The following TMEFF1 variants were observed in gnomAD, a reference collection of about 807,000 sequenced individuals.
TMEFF1 encodes transmembrane protein with EGF like and two follistatin like domains 1.
TMEFF1 carries 20 observed loss-of-function variants against 47.5 expected under a neutral mutation model. The observed-to-expected ratio is 0.42, with a 90% CI of 0.30 to 0.61. The LOEUF (loss-of-function observed/expected upper bound fraction) is 0.61. TMEFF1 is among the 20% of genes least tolerant of loss of function. TMEFF1 has a pLI of 0.19. For missense variants in TMEFF1, 411 were observed against 471.1 expected (o/e 0.87, Z 1.18); for synonymous variants, 162 against 166.3 (o/e 0.97, Z 0.20).
intron 2 of TMEFF1, 96 bp from the exon 3 acceptor site, chr9:100,508,909 G>A (rs1837911852): frequency 7.9e-7 from 1 of 1,271,540 alleles, no homozygotes; most frequent in African/African-American, 1.6e-5. Context: ...CAGTAGCGAA[G>A]TATGTCATAA....
chr9:100,550,257 C>G, intron 7 of TMEFF1, 97 bp downstream of exon 7: 1 of 1,240,746 alleles, frequency 8.1e-7, no homozygotes, highest in Non-Finnish European at 1.1e-6. Flanking sequence ...ACACCTCTAA[C>G]TTTGCTCTCT....
chr9:100,528,968 A>G (rs1460804067), intron 5 of TMEFF1, among the ~76,000 whole-genome samples: 2 of 147,032 alleles, frequency 1.4e-5, no homozygotes, highest in Non-Finnish European at 3.0e-5. Context: ...TTTTCAACCC[A>G]GAATTTCATA....
rs1317685918 is a variant in TMEFF1, at chr9:100,473,507, C to A, written c.-38C>A. On this transcript the variant is annotated 5_prime_UTR_variant, in exon 1 of 10. The change creates a premature stop within an existing upstream ORF in the 5' untranslated region. Coordinates refer to ENST00000374879, the MANE Select transcript of TMEFF1 (RefSeq NM_003692.5). The surrounding 1 kb of genome is among the most constrained non-coding windows in gnomAD (Gnocchi z 5.4). ...CGCGCGGCTGGATGCCCCCGGCCTG[C>A]GGCTCCCTGCGCTTCCCGCCGTCCA... 7.4e-7 allele frequency: 1 copy of A among 1,350,968 alleles called. No individual in the cohort carries two copies. Among genetic ancestry groups the A allele is most frequent in the South Asian group, 1.8e-5 (1 of 55,424 alleles). 83.7% of individuals were successfully genotyped at this position (1,350,968 alleles called of 1,614,324 possible).
At chr9:100,554,080 C>T (rs1199541808) in intron 7 of TMEFF1, among the ~76,000 whole-genome samples, 1 of 152,076 alleles carries the variant, frequency 6.6e-6, no homozygotes, top group Non-Finnish European at 1.5e-5. Context: ...TCCTGAGCTC[C>T]ACCTTGTCCC....
At chr9:100,536,468 A>G (rs1838510342) in intron 5 of TMEFF1, among the ~76,000 whole-genome samples, 1 of 152,028 alleles carries the variant, frequency 6.6e-6, no homozygotes, top group Admixed American at 6.6e-5. Flanking sequence ...TTCACAATTA[A>G]TTTAATACCT....
intron 5 of TMEFF1, among the ~76,000 whole-genome samples, chr9:100,531,998 C>T (rs1281220598): frequency 1.3e-5 from 2 of 150,878 alleles, no homozygotes; most frequent in African/African-American, 4.9e-5. Flanking sequence ...GGAAAGGATT[C>T]CCTATTTAAT....
At chr9:100,544,143 G>T (rs950702856) in intron 5 of TMEFF1, among the ~76,000 whole-genome samples, 3 of 151,588 alleles carry the variant, frequency 2.0e-5, no homozygotes, top group African/African-American at 7.3e-5. Context: ...ACCTTAGGTG[G>T]GTCAGTGTTC....
At chr9:100,545,632 G>T (rs1206345656) in intron 5 of TMEFF1, among the ~76,000 whole-genome samples, 2 of 152,208 alleles carry the variant, frequency 1.3e-5, no homozygotes, top group Non-Finnish European at 1.5e-5. Flanking sequence ...AATTTCTGCA[G>T]CTAGCTTGAA....
At chr9:100,485,048 C>T (rs1312005469) in intron 1 of TMEFF1, among the ~76,000 whole-genome samples, 2 of 152,132 alleles carry the variant, frequency 1.3e-5, no homozygotes, top group South Asian at 2.1e-4. Flanking sequence ...TACAATATGA[C>T]CTTTTATAAT....
chr9:100,519,606 G>A (rs910125738), intron 5 of TMEFF1, among the ~76,000 whole-genome samples: 1 of 101,292 alleles, frequency 9.9e-6, no homozygotes, highest in African/African-American at 3.7e-5. Flanking sequence ...CGGAAGGAAT[G>A]TTATCTTCTT....
At chr9:100,494,607 G>GA (rs1226821723) in intron 1 of TMEFF1, among the ~76,000 whole-genome samples, 1 of 152,054 alleles carries the variant, frequency 6.6e-6, no homozygotes, top group Non-Finnish European at 1.5e-5. Context: ...TCCAGTCAAG[G>GA]AAAAAAACAG....
chr9:100,527,614 C>G (rs1231756742), intron 5 of TMEFF1, among the ~76,000 whole-genome samples: 1 of 152,188 alleles, frequency 6.6e-6, no homozygotes, highest in Non-Finnish European at 1.5e-5. Flanking sequence ...TCGCTGATGG[C>G]TAGCACAGCA....
intron 5 of TMEFF1, among the ~76,000 whole-genome samples, chr9:100,535,868 A>AC (rs1200008630): frequency 6.6e-6 from 1 of 151,838 alleles, no homozygotes; most frequent in Non-Finnish European, 1.5e-5. Flanking sequence ...GCCTGATTTG[A>AC]CCCCCTCTAT....
At chr9:100,555,179 ACACACACACACACACG>A (rs1384605309) in intron 7 of TMEFF1, among the ~76,000 whole-genome samples, 2 of 151,944 alleles carry the variant, frequency 1.3e-5, no homozygotes, top group African/African-American at 2.4e-5. Context: ...ACACACACAC[ACACACACACACACACG>A]CACACACATT....
At chr9:100,502,371 T>G (rs1837777540) in intron 2 of TMEFF1, among the ~76,000 whole-genome samples, 1 of 152,184 alleles carries the variant, frequency 6.6e-6, no homozygotes, top group African/African-American at 2.4e-5. Flanking sequence ...TGTCTTTTTT[T>G]TTGTTTGAGA....
At chr9:100,575,365 T>C (rs1345087974) in intron 9 of TMEFF1, among the ~76,000 whole-genome samples, 1 of 152,164 alleles carries the variant, frequency 6.6e-6, no homozygotes, top group Non-Finnish European at 1.5e-5. Context: ...TCACCTTAAC[T>C]AAACGCCCTG....
At chr9:100,576,414 G>A in intron 9 of TMEFF1, 102 bp from the exon 10 acceptor site, 1 of 1,424,484 alleles carries the variant, frequency 7.0e-7, no homozygotes, top group East Asian at 2.4e-5. Context: ...CTTGCAATGT[G>A]GCTTTATGTG....
At chr9:100,505,811 T>C (rs1837850259) in intron 2 of TMEFF1, among the ~76,000 whole-genome samples, 1 of 152,178 alleles carries the variant, frequency 6.6e-6, no homozygotes, top group Non-Finnish European at 1.5e-5. Context: ...AAAGTAAGCA[T>C]TTGTTGAGGA....
intron 1 of TMEFF1, among the ~76,000 whole-genome samples, chr9:100,493,675 G>A (rs925328663): frequency 6.6e-6 from 1 of 152,120 alleles, no homozygotes; most frequent in Non-Finnish European, 1.5e-5. Context: ...ATTTTTGAGG[G>A]CCTTAGTAAT....
Sources: gnomAD v4.1 joint callset for allele counts (sites outside exome capture counted in the v4.1 genomes callset) on GRCh38, gnomAD v4.1.1 for gene constraint, Gnocchi (gnomAD v3.1) non-coding constraint, MANE v1.5 for transcripts, NCBI Gene and HGNC (gene_info 2026-07-23, HGNC 2026-07-21) for gene names.